PRKD1: variants seen among roughly 807,000 people sequenced by gnomAD.
The protein encoded by PRKD1 is serine/threonine-protein kinase D1.
PRKD1 carries 63 observed loss-of-function variants against 95.9 expected under a neutral mutation model. The observed-to-expected ratio is 0.66, with a 90% confidence interval of 0.54 to 0.81. The LOEUF is 0.81. Ranked by LOEUF, PRKD1 falls within the 30% of genes least tolerant of loss-of-function variation. PRKD1 has a pLI of 0.00. For missense variants in PRKD1, 1,048 were observed against 1,165.3 expected, an observed-to-expected ratio of 0.90 and a Z score of 1.47; for synonymous variants, 425 against 423.1, an observed-to-expected ratio of 1.00 and a Z score of -0.05.
intron 1 of PRKD1, among the ~76,000 whole-genome samples, chr14:29,766,635 C>A (rs543617966): frequency 1.3e-5 from 2 of 152,202 alleles, no homozygotes; most frequent in South Asian, 4.2e-4. Context: ...CTCCAATGGA[C>A]CTAAATTTTG....
chr14:29,841,422 A>C (rs532570749), intron 1 of PRKD1, among the ~76,000 whole-genome samples: 2 of 152,152 alleles, frequency 1.3e-5, no homozygotes, highest in Non-Finnish European at 2.9e-5. Context: ...CAATTCCCAC[A>C]TGCTGTGGGA....
At chr14:29,842,600 C>T (rs955460698) in intron 1 of PRKD1, among the ~76,000 whole-genome samples, 1 of 152,174 alleles carries the variant, frequency 6.6e-6, no homozygotes, top group Non-Finnish European at 1.5e-5. Context: ...ATTCTGTTTG[C>T]TTTGTTTAGA....
At chr14:29,835,496 T>C (rs181626429) in intron 1 of PRKD1, among the ~76,000 whole-genome samples, 1 of 152,344 alleles carries the variant, frequency 6.6e-6, no homozygotes, top group African/African-American at 2.4e-5. Context: ...TTCCCCAGTT[T>C]CCACTGACCA....
intron 2 of PRKD1, among the ~76,000 whole-genome samples, chr14:29,692,761 T>C (rs1215088059): frequency 1.3e-5 from 2 of 152,174 alleles, no homozygotes; most frequent in Admixed American, 1.3e-4. Flanking sequence ...CCCTTTGCCC[T>C]TTCAAAAAAC....
intron 1 of PRKD1, among the ~76,000 whole-genome samples, chr14:29,742,045 A>T (rs991387525): frequency 6.6e-6 from 1 of 152,164 alleles, no homozygotes; most frequent in African/African-American, 2.4e-5. Flanking sequence ...CCAAAGCCAA[A>T]TCCCCAAGGA....
intron 1 of PRKD1, among the ~76,000 whole-genome samples, chr14:29,897,062 C>T (rs752547700): frequency 1.3e-4 from 19 of 151,876 alleles, no homozygotes; most frequent in Non-Finnish European, 2.4e-4. Context: ...AAACCACTTA[C>T]AATTTTAGAT....
chr14:29,777,841 AT>A (rs1469668781), intron 1 of PRKD1, among the ~76,000 whole-genome samples: 1 of 152,202 alleles, frequency 6.6e-6, no homozygotes, highest in East Asian at 1.9e-4. Context: ...CAGAATATAC[AT>A]TCTTCTCAGC....
At chr14:29,891,475 A>T (rs944486439) in intron 1 of PRKD1, among the ~76,000 whole-genome samples, 2 of 152,114 alleles carry the variant, frequency 1.3e-5, no homozygotes, top group Non-Finnish European at 2.9e-5. Context: ...GCCACCTTCT[A>T]TGCCTCTGCC....
At chr14:29,773,840 C>A (rs1161600467) in intron 1 of PRKD1, among the ~76,000 whole-genome samples, 1 of 152,194 alleles carries the variant, frequency 6.6e-6, no homozygotes. Flanking sequence ...TACTTCTGGA[C>A]CATTTGTTAA....
chr14:29,875,563 A>G (rs1377982144), intron 1 of PRKD1, among the ~76,000 whole-genome samples: 6 of 152,214 alleles, frequency 3.9e-5, no homozygotes, highest in Non-Finnish European at 8.8e-5. Context: ...GACAGCCTTG[A>G]CAAAAGAATT....
At chr14:29,787,557 T>C (rs899174144) in intron 1 of PRKD1, among the ~76,000 whole-genome samples, 2 of 152,130 alleles carry the variant, frequency 1.3e-5, no homozygotes, top group Admixed American at 6.5e-5. Context: ...TCACGCAGAA[T>C]TGATCCTCTT....
chr14:29,684,981 C>T (rs1305881785), intron 2 of PRKD1, among the ~76,000 whole-genome samples: 3 of 152,166 alleles, frequency 2.0e-5, no homozygotes, highest in African/African-American at 7.2e-5. Flanking sequence ...AAGCATATCT[C>T]AAACAAAGCT....
chr14:29,765,322 T>C (rs116295812), intron 1 of PRKD1, among the ~76,000 whole-genome samples: 3,063 of 152,016 alleles, frequency 0.02, 104 homozygotes, highest in Admixed American at 0.087. Flanking sequence ...ATCAGGGAAA[T>C]ACAAAATAAA....
At chr14:29,610,139 C>T (rs758674231) in intron 13 of PRKD1, among the ~76,000 whole-genome samples, 11 of 151,918 alleles carry the variant, frequency 7.2e-5, no homozygotes, top group Non-Finnish European at 1.2e-4. Flanking sequence ...AAATATTTGA[C>T]ATTTTCTACC....
intron 16 of PRKD1, among the ~76,000 whole-genome samples, chr14:29,578,956 A>G (rs934175273): frequency 7.2e-5 from 11 of 152,154 alleles, no homozygotes; most frequent in Non-Finnish European, 1.2e-4. Flanking sequence ...GCTTTCAAAA[A>G]TAACCAATGT....
chr14:29,647,858 A>C (rs1881230232), intron 4 of PRKD1, among the ~76,000 whole-genome samples: 1 of 152,316 alleles, frequency 6.6e-6, no homozygotes, highest in African/African-American at 2.4e-5. Context: ...CACCGGACAA[A>C]GAAAACAGAT....
rs1281485239 is a variant in PRKD1, at chr14:29,597,648, G to A, written c.2277C>T (p.Gly759=). ...YLAPEVLRNK[G]YNRSLDMWSV... is the part of the protein sequence containing the mutation. Reference sequence around the variant, plus strand: ...ACCACATGTCTAGAGAGCGATTGTAGCCCTTGTTCCTTAGGACCTCAGGAG... The same window carrying A: ...ACCACATGTCTAGAGAGCGATTGTAACCCTTGTTCCTTAGGACCTCAGGAG... The change falls in exon 16 of 18, where the codon GGC becomes GGT. Residue 759 remains glycine (G), a synonymous_variant. Transcript: ENST00000331968. The A allele has an allele frequency of 1.2e-6, 2 of 1,613,934 alleles. No homozygotes were observed. The highest frequency in any genetic ancestry group is 1.7e-6 in the Non-Finnish European group (2 of 1,179,990).
At chr14:29,735,565 C>T (rs187928215) in intron 1 of PRKD1, among the ~76,000 whole-genome samples, 7 of 152,234 alleles carry the variant, frequency 4.6e-5, no homozygotes, top group Admixed American at 2.0e-4. Flanking sequence ...TGAATAACAG[C>T]TCAACTTTAT....
At chr14:29,890,677 A>G (rs1311446227) in intron 1 of PRKD1, among the ~76,000 whole-genome samples, 2 of 152,184 alleles carry the variant, frequency 1.3e-5, no homozygotes, top group Admixed American at 1.3e-4. Context: ...TATTCCAAAG[A>G]AAGATAATCT....
Sources: allele counts gnomAD v4.1 joint callset (sites outside exome capture counted in the v4.1 genomes callset), GRCh38; gene constraint gnomAD v4.1.1; transcripts MANE v1.5; gene names NCBI Gene and HGNC (gene_info 2026-07-23, HGNC 2026-07-21).